REV3L: variants seen among roughly 807,000 people sequenced by gnomAD.
The protein encoded by REV3L is DNA polymerase zeta catalytic subunit.
Under a neutral mutation model 299.4 loss-of-function variants are expected in REV3L, and 69 were observed. The observed-to-expected ratio is 0.23, with a 90% CI of 0.19 to 0.28. REV3L has a LOEUF of 0.28. Among genes scored for constraint, REV3L ranks in the 10% least tolerant of loss-of-function variants. REV3L has a pLI of 1.00. For missense variants in REV3L, 3,128 were observed against 3,693.8 expected (o/e 0.85, Z 3.97); for synonymous variants, 1,238 against 1,271.4 (o/e 0.97, Z 0.56).
chr6:111,385,637 G>A (rs1450174239), intron 9 of REV3L, among the ~76,000 whole-genome samples: 1 of 151,688 alleles, frequency 6.6e-6, no homozygotes, highest in Non-Finnish European at 1.5e-5. Context: ...TTTTTTAAAT[G>A]GGGGGAAAAG....
chr6:111,372,474 C>A, intron 13 of REV3L, 122 bp downstream of exon 13: 1 of 650,148 alleles, frequency 1.5e-6, no homozygotes, highest in Non-Finnish European at 2.3e-6. Flanking sequence ...AATACGGTAT[C>A]ACAGAAAACT....
intron 17 of REV3L, among the ~76,000 whole-genome samples, chr6:111,358,581 C>A (rs1778332626): frequency 6.6e-6 from 1 of 152,150 alleles, no homozygotes; most frequent in African/African-American, 2.4e-5. Context: ...TGTTGCCCAG[C>A]CTCCCAGGTA....
At chr6:111,378,969 G>A (rs1780569099) in intron 11 of REV3L, among the ~76,000 whole-genome samples, 1 of 152,026 alleles carries the variant, frequency 6.6e-6, no homozygotes, top group South Asian at 2.1e-4. Flanking sequence ...CCAATATAAA[G>A]AGCAGAATTA....
Position 111,426,457 on chromosome 6 carries a change from C to T in REV3L, c.140-9985G>A, listed in dbSNP as rs532253273. ...ACGGAACTAGAAGGGAATCAATTAACCCATTTATGCCAGAGGTTGCAATTT... is the reference window on the plus strand; with the variant it reads ...ACGGAACTAGAAGGGAATCAATTAATCCATTTATGCCAGAGGTTGCAATTT... On this transcript the variant is annotated intron_variant, in intron 1 of 31. Coordinates refer to ENST00000368802, the MANE Select transcript of REV3L (RefSeq NM_001372078.1). Among the ~76,000 whole-genome samples, 11 of 152,280 alleles carry T rather than the reference C, an allele frequency of 7.2e-5. 1 individual carries two copies. The South Asian group carries it at 2.3e-3, about 32-fold the overall frequency.
chr6:111,337,142 G>C (rs1353948281), intron 21 of REV3L, among the ~76,000 whole-genome samples: 6 of 152,200 alleles, frequency 3.9e-5, no homozygotes, highest in African/African-American at 1.4e-4. Flanking sequence ...GGTGATGCAG[G>C]ATTTCCATTT....
At chr6:111,306,734 T>C (rs1772352760) in intron 31 of REV3L, among the ~76,000 whole-genome samples, 1 of 152,312 alleles carries the variant, frequency 6.6e-6, no homozygotes, top group South Asian at 2.1e-4. Context: ...ACTCACAGAA[T>C]TATAAACCTT....
chr6:111,351,697 G>A lies in REV3L; in HGVS notation c.7279C>T (p.Arg2427Trp), dbSNP rs1307537252. ...RAAALSIDLCRMISRVPDDKI... is the reference protein window; with the variant it reads ...RAAALSIDLCWMISRVPDDKI... ...ATACCTGGCACCCGAGAGATCATCC[G>A]ACATAAGTCAATACTTAAAGCGGCA... The change falls in exon 19 of 32, where the codon CGG becomes TGG. Residue 2427 changes from arginine to tryptophan, a missense_variant. Arg to Trp is a moderately radical substitution (Grantham distance 101). Around this residue, in one of 9 missense-constraint regions of REV3L, gnomAD observed 50 missense variants for 48.2 expected, o/e 1.04. Coordinates refer to ENST00000368802, the MANE Select transcript of REV3L (RefSeq NM_001372078.1). The A allele has an allele frequency of 2.5e-6, 4 of 1,612,962 alleles. No homozygotes were observed. Among genetic ancestry groups the A allele is most frequent in the East Asian group, 2.2e-5 (1 of 44,802 alleles).
chr6:111,304,922 A>G (rs1772100085), intron 31 of REV3L, among the ~76,000 whole-genome samples: 1 of 150,856 alleles, frequency 6.6e-6, no homozygotes, highest in Non-Finnish European at 1.5e-5. Flanking sequence ...GTTACAAAGG[A>G]CATGATTTTG....
intron 21 of REV3L, among the ~76,000 whole-genome samples, chr6:111,335,901 CT>C (rs1294850609): frequency 2.0e-5 from 3 of 150,886 alleles, no homozygotes; most frequent in African/African-American, 4.9e-5. Flanking sequence ...TTGCTCTATT[CT>C]TTTTTTTTCT....
chr6:111,321,966 A>G (rs1371135675), intron 26 of REV3L, among the ~76,000 whole-genome samples: 3 of 152,228 alleles, frequency 2.0e-5, no homozygotes, highest in Non-Finnish European at 4.4e-5. Context: ...GCAAGCAGGA[A>G]GCATGCAAGC....
intron 1 of REV3L, among the ~76,000 whole-genome samples, chr6:111,421,235 T>C (rs956101795): frequency 5.3e-5 from 8 of 152,254 alleles, no homozygotes; most frequent in African/African-American, 1.7e-4. Flanking sequence ...ATTTGGTCTC[T>C]AAATTGCCCA....
intron 21 of REV3L, among the ~76,000 whole-genome samples, chr6:111,338,311 C>CTTTTTTTTTTT (rs1776115188): frequency 1.0e-4 from 5 of 49,034 alleles, no homozygotes; most frequent in African/African-American, 2.5e-4. Context: ...AGTCTAAAGT[C>CTTTTTTTTTTT]CTTTTTTTTT....
At chr6:111,483,426 G>T (rs1028058681), upstream of REV3L, 4 of 435,304 alleles carry the variant, frequency 9.2e-6, no homozygotes, top group African/African-American at 6.2e-5. Context: ...GCCCGCGCGG[G>T]ATCGATGACT....
chr6:111,406,684 A>G (rs1783663101), intron 3 of REV3L, among the ~76,000 whole-genome samples: 1 of 152,132 alleles, frequency 6.6e-6, no homozygotes, highest in Admixed American at 6.5e-5. Flanking sequence ...GTGGTGGTGC[A>G]ATTATTTGAA....
chr6:111,370,007 A>AT (rs1353664179), intron 13 of REV3L, among the ~76,000 whole-genome samples: 1 of 151,898 alleles, frequency 6.6e-6, no homozygotes, highest in Non-Finnish European at 1.5e-5. Flanking sequence ...TAATTTTTGT[A>AT]TTTTTAGTAG....
chr6:111,428,764 T>G (rs1289937034), intron 1 of REV3L, among the ~76,000 whole-genome samples: 1 of 152,088 alleles, frequency 6.6e-6, no homozygotes, highest in Non-Finnish European at 1.5e-5. Context: ...AGAAATTTAT[T>G]GGTATTTAAG....
chr6:111,415,151 C>T (rs757597946), intron 2 of REV3L, among the ~76,000 whole-genome samples: 3 of 152,084 alleles, frequency 2.0e-5, no homozygotes, highest in Non-Finnish European at 2.9e-5. Context: ...CTTAAGCATG[C>T]ATAAGAATCA....
At chr6:111,423,743 A>T (rs1391458595) in intron 1 of REV3L, among the ~76,000 whole-genome samples, 1 of 152,184 alleles carries the variant, frequency 6.6e-6, no homozygotes, top group Admixed American at 6.5e-5. Context: ...GAAAAGGTCA[A>T]GGATTTAGGG....
intron 9 of REV3L, among the ~76,000 whole-genome samples, chr6:111,385,556 T>C (rs1252548272): frequency 6.6e-6 from 1 of 151,898 alleles, no homozygotes. Context: ...ATACCAAAAC[T>C]AAACCATAAA....
Sources: allele counts gnomAD v4.1 joint callset (sites outside exome capture counted in the v4.1 genomes callset), GRCh38; gene constraint gnomAD v4.1.1; regional missense constraint gnomAD v4.1.1; transcripts MANE v1.5; gene names NCBI Gene and HGNC (gene_info 2026-07-23, HGNC 2026-07-21).